Variants in GABPA observed in about 807,000 individuals in gnomAD.
GABPA encodes GA-binding protein alpha chain.
GABPA carries 4 observed loss-of-function variants against 59.4 expected under a neutral mutation model. The observed-to-expected ratio is 0.07, with a 90% CI of 0.03 to 0.15. The LOEUF is 0.15. Ranked by LOEUF, GABPA falls within the 10% of genes least tolerant of loss-of-function variation. The probability of loss-of-function intolerance (pLI) is 1.00; values close to 1 mark genes in which losing one functional copy is unlikely to be tolerated. For synonymous variants in GABPA, 164 were observed against 183.1 expected (o/e 0.90, Z 0.84); for missense variants, 251 against 543.8 (o/e 0.46, Z 5.36).
chr21:25,764,217 A>C lies in GABPA; in HGVS notation c.810A>C (p.Gln270His), dbSNP rs1045261169. The C allele has an allele frequency of 4.4e-6, 7 of 1,593,154 alleles. No homozygotes were observed. In the South Asian group the frequency reaches 8.1e-5, roughly 18 times the overall value. The change falls in exon 8 of 10, where the codon CAA becomes CAC. Residue 270 changes from glutamine (Q) to histidine (H), a missense_variant. Transcript: ENST00000400075. The part of the protein sequence containing the change: ...NEIVTIDQPV[Q>H]IIPASVQSAT... Reference sequence around the variant, plus strand: ...CCTTGTCTGTCTTTGCAGCTGTGCAAATTATTCCAGCATCAGTGCAATCTG... The same window carrying C: ...CCTTGTCTGTCTTTGCAGCTGTGCACATTATTCCAGCATCAGTGCAATCTG...
chr21:25,759,428 A>G (rs1305457143), intron 6 of GABPA, among the ~76,000 whole-genome samples: 1 of 152,142 alleles, frequency 6.6e-6, no homozygotes, highest in Non-Finnish European at 1.5e-5. Context: ...TTCTCTGGCC[A>G]GGTGCAGTGG....
intron 2 of GABPA, among the ~76,000 whole-genome samples, chr21:25,743,258 T>C (rs1031354253): frequency 2.6e-5 from 4 of 152,166 alleles, no homozygotes; most frequent in Non-Finnish European, 4.4e-5. Context: ...TTTTAAGTAA[T>C]CTAAGAAGTG....
rs1008238269 is a variant in GABPA at position 25,770,711 on chromosome 21, A to G, written c.*1479A>G. 1.8e-4 allele frequency: 28 copies of G among 152,102 alleles called. No homozygotes were observed. Among genetic ancestry groups the G allele is most frequent in the African/African-American group, 6.5e-4 (27 of 41,462 alleles). 9.4% of individuals were successfully genotyped at this position (152,102 alleles called of 1,614,324 possible). On this transcript the variant is annotated 3_prime_UTR_variant, in exon 10 of 10. Transcript: ENST00000400075. The stretch of plus-strand genomic sequence containing the variant: ...GAGAAAAAGGCATGATAATACAGGC[A>G]AGATGGCATTGTTAGCAATTCTGGT...
chr21:25,749,678 A>C (rs999952135), intron 4 of GABPA, among the ~76,000 whole-genome samples: 1 of 152,218 alleles, frequency 6.6e-6, no homozygotes, highest in Admixed American at 6.5e-5. Flanking sequence ...CTAAAAATAC[A>C]GAATAAGCTG....
rs977603631 is a variant in GABPA at position 25,735,093 on chromosome 21, G to A, written c.-512G>A. ...AGGGTAAGTGCTTCCGGGTCCCCTG[G>A]CACAGCCTCCGCCATCTTTTCTTCG... On this transcript the variant is annotated 5_prime_UTR_variant, in exon 1 of 10. Coordinates refer to ENST00000400075, the MANE Select transcript of GABPA (RefSeq NM_002040.4). 3 of 841,962 alleles carry A rather than the reference G, an allele frequency of 3.6e-6. No individual in the cohort carries two copies. The highest frequency in any genetic ancestry group is 5.8e-6 in the Non-Finnish European group (3 of 514,506). The allele number at this position is 841,962 out of a possible 1,614,324, so 52.2% of individuals were successfully genotyped here. A position where few individuals can be genotyped will look rare whatever the true frequency, so the allele number is the denominator to read the frequency against.
At chr21:25,738,896 G>T (rs1185581046) in intron 1 of GABPA, among the ~76,000 whole-genome samples, 1 of 151,918 alleles carries the variant, frequency 6.6e-6, no homozygotes, top group Non-Finnish European at 1.5e-5. Flanking sequence ...TTGGAGAAAA[G>T]GAAGGCTTAT....
At chr21:25,742,099 T>A (rs111312723) in intron 2 of GABPA, among the ~76,000 whole-genome samples, 23 of 152,230 alleles carry the variant, frequency 1.5e-4, no homozygotes, top group African/African-American at 5.5e-4. Flanking sequence ...CACGTTGTAT[T>A]TGAGGAGACA....
At chr21:25,737,188 C>G (rs1377125000) in intron 1 of GABPA, among the ~76,000 whole-genome samples, 2 of 152,218 alleles carry the variant, frequency 1.3e-5, no homozygotes, top group African/African-American at 4.8e-5. Context: ...ACCAGAGTGT[C>G]AAAGTATATG....
rs2034864782 is a variant in GABPA at position 25,758,151 on chromosome 21, A to C, written c.695A>C (p.Gln232Pro). 6.2e-7 allele frequency: 1 copy of C among 1,609,984 alleles called. No individual in the cohort carries two copies. The highest frequency in any genetic ancestry group is 1.1e-5 in the South Asian group (1 of 90,228). The change falls in exon 6 of 10, where the codon CAG becomes CCG. Residue 232 changes from glutamine to proline, a missense_variant. By Grantham distance (76) the Gln-to-Pro change is moderately conservative (BLOSUM62 -1). Coordinates refer to ENST00000400075, the MANE Select transcript of GABPA (RefSeq NM_002040.4). ...AGTCTCAACCAAGAAGATTTTTTTC[A>C]GCGGGTTCCTCGGGGAGAAATTCTC... ...LCSLNQEDFF[Q>P]RVPRGEILWS...
chr21:25,755,274 CT>C (rs1402315177), intron 5 of GABPA, among the ~76,000 whole-genome samples: 1 of 151,692 alleles, frequency 6.6e-6, no homozygotes, highest in Non-Finnish European at 1.5e-5. Context: ...TATAGCCAGA[CT>C]GTCTCCAAAA....
intron 2 of GABPA, among the ~76,000 whole-genome samples, chr21:25,744,940 A>G (rs532284455): frequency 6.6e-6 from 1 of 152,326 alleles, no homozygotes; most frequent in South Asian, 2.1e-4. Context: ...CAATGTTTAT[A>G]TGTGTACACA....
intron 5 of GABPA, among the ~76,000 whole-genome samples, chr21:25,755,934 G>C (rs1012726640): frequency 6.6e-6 from 1 of 152,078 alleles, no homozygotes; most frequent in African/African-American, 2.4e-5. Context: ...AACATTTTAG[G>C]TCATAGTTTT....
At chr21:25,750,140 A>G (rs8128535) in intron 4 of GABPA, among the ~76,000 whole-genome samples, 30,847 of 152,148 alleles carry the variant, frequency 0.2, 4,358 homozygotes, top group African/African-American at 0.39. Context: ...CTCATAAGGA[A>G]CACGCAACCT....
intron 6 of GABPA, among the ~76,000 whole-genome samples, chr21:25,759,424 G>A (rs1354525714): frequency 6.6e-6 from 1 of 152,070 alleles, no homozygotes; most frequent in Non-Finnish European, 1.5e-5. Context: ...TGCTTTCTCT[G>A]GCCAGGTGCA....
intron 2 of GABPA, among the ~76,000 whole-genome samples, chr21:25,744,059 A>AC (rs1568940785): frequency 4.5e-5 from 6 of 133,398 alleles, no homozygotes; most frequent in African/African-American, 2.1e-4. Context: ...AAAAAAAAAA[A>AC]AAAACCTACC....
chr21:25,766,822 A>T (rs1222028572), intron 9 of GABPA, among the ~76,000 whole-genome samples: 1 of 152,126 alleles, frequency 6.6e-6, no homozygotes, highest in African/African-American at 2.4e-5. Flanking sequence ...CTATGCCCAT[A>T]CACATGTTCA....
At chr21:25,756,699 A>C (rs561455324) in intron 5 of GABPA, among the ~76,000 whole-genome samples, 1 of 152,266 alleles carries the variant, frequency 6.6e-6, no homozygotes, top group South Asian at 2.1e-4. Context: ...TGGAGGTCTT[A>C]TAGCTGTTAT....
chr21:25,769,296 C>T lies in GABPA; in HGVS notation c.*64C>T, dbSNP rs547258710. ...ATGTTTAGAGCAAGTATAGCTCTTA[C>T]CTTTATTACTGAATTTGAATCTTCT... On this transcript the variant is annotated 3_prime_UTR_variant, in exon 10 of 10. Coordinates refer to ENST00000400075, the MANE Select transcript of GABPA (RefSeq NM_002040.4). The T allele has an allele frequency of 1.4e-4, 105 of 758,672 alleles. No individual in the cohort carries two copies. Among genetic ancestry groups the T allele is most frequent in the Non-Finnish European group, 2.1e-4 (94 of 441,210 alleles). The allele number at this position is 758,672 out of a possible 1,614,324, so 47.0% of individuals were successfully genotyped here.
intron 2 of GABPA, among the ~76,000 whole-genome samples, chr21:25,742,623 G>A (rs1189248296): frequency 2.0e-5 from 3 of 152,138 alleles, no homozygotes; most frequent in Non-Finnish European, 4.4e-5. Flanking sequence ...CTAAAAATGC[G>A]TAACATTCAG....
Sources: allele counts gnomAD v4.1 joint callset (sites outside exome capture counted in the v4.1 genomes callset), GRCh38; gene constraint gnomAD v4.1.1; transcripts MANE v1.5; gene names NCBI Gene and HGNC (gene_info 2026-07-23, HGNC 2026-07-21).